Variants in SHISA9 observed in about 807,000 individuals in gnomAD.
SHISA9 encodes the protein shisa family member 9, also known as protein shisa-9.
SHISA9 carries 13 observed loss-of-function variants against 38.0 expected under a neutral mutation model. That is an observed-to-expected ratio of 0.34 (90% confidence interval 0.22 to 0.54). The LOEUF (loss-of-function observed/expected upper bound fraction) is 0.54, where lower values mean the gene tolerates loss of function less well. SHISA9 is among the 20% of genes least tolerant of loss of function. The probability of loss-of-function intolerance (pLI) is 0.91; values close to 1 mark genes in which losing one functional copy is unlikely to be tolerated. For synonymous variants in SHISA9, 275 were observed against 242.0 expected, an observed-to-expected ratio of 1.14 and a Z score of -1.27; for missense variants, 538 against 575.8, an observed-to-expected ratio of 0.93 and a Z score of 0.67.
chr16:13,245,268 A>G (rs2051463557), downstream of SHISA9, among the ~76,000 whole-genome samples: 2 of 152,206 alleles, frequency 1.3e-5, no homozygotes, highest in South Asian at 4.1e-4. Context: ...ACTAGAGGCC[A>G]GTGAAAGTAA....
intron 1 of SHISA9, among the ~76,000 whole-genome samples, chr16:12,912,706 T>C (rs1225522321): frequency 1.3e-5 from 2 of 152,090 alleles, no homozygotes; most frequent in Non-Finnish European, 2.9e-5. Flanking sequence ...AGCCCAAACT[T>C]TGATTTCAAA....
chr16:13,454,529 C>T, the SHISA9 span, among the ~76,000 whole-genome samples: 2 of 152,146 alleles, frequency 1.3e-5, no homozygotes, highest in African/African-American at 4.8e-5. Flanking sequence ...AGGTTGGTAC[C>T]ATTGTCGTCA....
chr16:13,172,287 T>C (rs16961259), intron 2 of SHISA9, among the ~76,000 whole-genome samples: 25,642 of 152,122 alleles, frequency 0.17, 2,186 homozygotes, highest in Middle Eastern at 0.24. Flanking sequence ...TTAAGATGCC[T>C]AGGGGATTGG....
At chr16:13,025,683 T>C (rs138841525) in intron 2 of SHISA9, among the ~76,000 whole-genome samples, 7 of 152,364 alleles carry the variant, frequency 4.6e-5, no homozygotes, top group South Asian at 2.1e-4. Flanking sequence ...GGCAATCTCA[T>C]AGACGTAGGT....
chr16:13,458,413 G>C, the SHISA9 span: 7 of 395,278 alleles, frequency 1.8e-5, no homozygotes, highest in South Asian at 1.2e-4. Context: ...GATGGGAGCA[G>C]GGTCAAGCAT....
At chr16:13,552,227 G>A in the SHISA9 span, among the ~76,000 whole-genome samples, 1 of 152,142 alleles carries the variant, frequency 6.6e-6, no homozygotes, top group Non-Finnish European at 1.5e-5. Flanking sequence ...GCTCTGCAGG[G>A]AGCTGGATCT....
In SHISA9 at chr16:13,238,893, G is replaced by A. The variant is rs1470635367; in HGVS notation, c.*3484G>A. ...GTACATGTGCACAATGTGCAGGTTA[G>A]TTACATATGTATACACGTGTCATGC... On this transcript the variant is annotated 3_prime_UTR_variant, in exon 5 of 5. Coordinates refer to ENST00000558583, the MANE Select transcript of SHISA9 (RefSeq NM_001145204.3). 6.7e-6 allele frequency: 1 copy of A among 148,284 alleles called. No homozygotes were observed. Among genetic ancestry groups the A allele is most frequent in the Non-Finnish European group, 1.5e-5 (1 of 67,292 alleles). 9.2% of individuals were successfully genotyped at this position (148,284 alleles called of 1,614,324 possible).
chr16:13,477,884 G>A, the SHISA9 span, among the ~76,000 whole-genome samples: 3 of 152,274 alleles, frequency 2.0e-5, no homozygotes, highest in Admixed American at 1.3e-4. Flanking sequence ...AGAATGGCCC[G>A]AACCCGGGAG....
chr16:13,491,138 A>C, the SHISA9 span, among the ~76,000 whole-genome samples: 1 of 152,242 alleles, frequency 6.6e-6, no homozygotes, highest in Non-Finnish European at 1.5e-5. Flanking sequence ...AAGATGCATT[A>C]ACAGACTTGC....
chr16:13,161,598 C>G (rs557683315), intron 2 of SHISA9, among the ~76,000 whole-genome samples: 1 of 152,264 alleles, frequency 6.6e-6, no homozygotes, highest in East Asian at 1.9e-4. Flanking sequence ...TACGTTGGTC[C>G]AGACCCATGG....
intron 2 of SHISA9, among the ~76,000 whole-genome samples, chr16:12,974,423 T>A (rs1021739844): frequency 3.3e-5 from 5 of 149,758 alleles, no homozygotes; most frequent in Non-Finnish European, 7.4e-5. Context: ...TTTCTAAAAA[T>A]TAAGAATATG....
At position 12,945,481 on chromosome 16, in the gene SHISA9, A is replaced by G. The variant is rs528280305; in HGVS notation, c.691+28666A>G. Among the ~76,000 whole-genome samples the G allele has an allele frequency of 2.0e-5, 3 of 152,374 alleles. No individual in the cohort carries two copies. The South Asian group carries it at 6.2e-4, about 32-fold the overall frequency. On this transcript the variant is annotated intron_variant, in intron 2 of 4. Coordinates refer to ENST00000558583, the MANE Select transcript of SHISA9 (RefSeq NM_001145204.3). The stretch of plus-strand genomic sequence containing the variant: ...TATAAATGTAATAGGTACTCCTTGA[A>G]GAAAATGTGAAAAGTACAGGGAAAA...
intron 2 of SHISA9, among the ~76,000 whole-genome samples, chr16:13,167,349 G>A (rs1023852261): frequency 3.3e-5 from 5 of 152,190 alleles, no homozygotes; most frequent in African/African-American, 1.2e-4. Context: ...TGGGATCACA[G>A]GCGTGAGCCA....
chr16:13,340,277 G>C, the SHISA9 span, among the ~76,000 whole-genome samples: 1 of 152,174 alleles, frequency 6.6e-6, no homozygotes, highest in Non-Finnish European at 1.5e-5. Flanking sequence ...TTGGCCAGGT[G>C]TCTTTCCCAA....
chr16:12,970,747 C>T (rs1166028754), intron 2 of SHISA9, among the ~76,000 whole-genome samples: 1 of 151,456 alleles, frequency 6.6e-6, no homozygotes, highest in African/African-American at 2.4e-5. Flanking sequence ...TGGTCTCAAA[C>T]TCCTGACCTC....
At chr16:13,003,068 A>G (rs1320315282) in intron 2 of SHISA9, among the ~76,000 whole-genome samples, 4 of 152,228 alleles carry the variant, frequency 2.6e-5, no homozygotes, top group Non-Finnish European at 4.4e-5. Context: ...AGCACATTCC[A>G]GTTGGAGGGA....
intron 2 of SHISA9, among the ~76,000 whole-genome samples, chr16:13,159,675 C>T (rs905357988): frequency 1.3e-5 from 2 of 152,184 alleles, no homozygotes; most frequent in African/African-American, 4.8e-5. Flanking sequence ...TCTACAAGTT[C>T]CATAGGTTCC....
chr16:13,426,153 A>C, the SHISA9 span, among the ~76,000 whole-genome samples: 1 of 152,192 alleles, frequency 6.6e-6, no homozygotes, highest in Non-Finnish European at 1.5e-5. Context: ...AATGTAGTTT[A>C]AGCTGCAACT....
chr16:12,933,260 A>G (rs1360768418), intron 2 of SHISA9, among the ~76,000 whole-genome samples: 2 of 151,628 alleles, frequency 1.3e-5, no homozygotes, highest in African/African-American at 4.8e-5. Context: ...GCATTCCTTT[A>G]GTTTTCTATA....
Sources: gnomAD v4.1 joint callset for allele counts (sites outside exome capture counted in the v4.1 genomes callset) on GRCh38, gnomAD v4.1.1 for gene constraint, MANE v1.5 for transcripts, NCBI Gene and HGNC (gene_info 2026-07-23, HGNC 2026-07-21) for gene names.